Variants in FGGY observed in about 807,000 individuals in gnomAD.
The protein encoded by FGGY is FGGY carbohydrate kinase domain-containing protein.
A neutral mutation model predicts 71.3 loss-of-function variants in FGGY; 72 were observed. The ratio of observed to expected loss-of-function variants is 1.01; its 90% CI spans 0.84 to 1.23. The LOEUF (loss-of-function observed/expected upper bound fraction) is 1.23, where lower values mean the gene tolerates loss of function less well. FGGY is among the 50% of genes most tolerant of loss of function. FGGY has a pLI of 0.00. For synonymous variants in FGGY, 251 were observed against 250.3 expected (o/e 1.00, Z -0.02); for missense variants, 668 against 682.3 (o/e 0.98, Z 0.23).
At chr1:59,521,856 G>A (rs2094843368) in intron 7 of FGGY, among the ~76,000 whole-genome samples, 1 of 152,170 alleles carries the variant, frequency 6.6e-6, no homozygotes. Context: ...ATGGCCACAG[G>A]CAGCTTCACT....
intron 2 of FGGY, among the ~76,000 whole-genome samples, chr1:59,324,066 T>C (rs1338274379): frequency 6.6e-6 from 1 of 152,094 alleles, no homozygotes; most frequent in East Asian, 1.9e-4. Context: ...AGTTGAGAGC[T>C]TCAGAGCAGT....
rs972865858 is a variant in FGGY at position 59,388,986 on chromosome 1, C to T, written c.554+10149C>T. 9.9e-5 allele frequency among the ~76,000 whole-genome samples: 15 copies of T among 152,140 alleles called. No individual in the cohort carries two copies. The Middle Eastern group carries it at 0.017, about 172-fold the overall frequency. ...TTTTTTAGACAGGGTCTTGCTCTGTCGCCCAGGCCGGAGTGCAGTGTCGTA... is the reference window on the plus strand; with the variant it reads ...TTTTTTAGACAGGGTCTTGCTCTGTTGCCCAGGCCGGAGTGCAGTGTCGTA... On this transcript the variant is annotated intron_variant, in intron 5 of 15. Transcript: ENST00000303721.
intron 2 of FGGY, among the ~76,000 whole-genome samples, chr1:59,328,263 A>G (rs748851888): frequency 8.5e-5 from 13 of 152,232 alleles, no homozygotes; most frequent in Non-Finnish European, 1.9e-4. Context: ...GTCTTACCCA[A>G]ATCATCTGTA....
At chr1:59,565,991 A>G (rs1341804652) in intron 8 of FGGY, among the ~76,000 whole-genome samples, 1 of 152,182 alleles carries the variant, frequency 6.6e-6, no homozygotes, top group African/African-American at 2.4e-5. Context: ...TGGCAATGTG[A>G]AGACATGCGG....
At chr1:59,621,263 T>C (rs544155936) in intron 9 of FGGY, among the ~76,000 whole-genome samples, 6 of 152,200 alleles carry the variant, frequency 3.9e-5, no homozygotes, top group African/African-American at 1.4e-4. Context: ...CTTCAATATA[T>C]GAATTTGAGG....
At chr1:59,517,254 CTTTTTTTTTTTTTTTT>C (rs57951011) in intron 7 of FGGY, among the ~76,000 whole-genome samples, 5 of 87,628 alleles carry the variant, frequency 5.7e-5, no homozygotes, top group African/African-American at 2.3e-4. Flanking sequence ...CTCAGTTGCT[CTTTTTTTTTTTTTTTT>C]TTTTTTTTTT....
intron 6 of FGGY, among the ~76,000 whole-genome samples, chr1:59,505,995 G>C (rs1394060718): frequency 6.6e-6 from 1 of 152,042 alleles, no homozygotes; most frequent in African/African-American, 2.4e-5. Context: ...CAGCAGACTT[G>C]AGCCTAAGAG....
At chr1:59,720,995 C>T (rs956462589) in intron 14 of FGGY, among the ~76,000 whole-genome samples, 2 of 152,154 alleles carry the variant, frequency 1.3e-5, no homozygotes, top group Non-Finnish European at 2.9e-5. Flanking sequence ...GCTTACAGTT[C>T]CCTCCGTGTG....
At chr1:59,698,710 C>A (rs1363706684) in intron 14 of FGGY, 22 of 966,864 alleles carry the variant, frequency 2.3e-5, no homozygotes, top group Non-Finnish European at 2.7e-5. Flanking sequence ...AGGGATGAAT[C>A]CATTACCTTT....
chr1:59,560,184 C>G (rs998768628), intron 8 of FGGY, among the ~76,000 whole-genome samples: 2 of 152,162 alleles, frequency 1.3e-5, no homozygotes, highest in Non-Finnish European at 2.9e-5. Flanking sequence ...GTTCATCCCC[C>G]AATCCTATAA....
intron 5 of FGGY, among the ~76,000 whole-genome samples, chr1:59,398,246 A>AT (rs2061547838): frequency 6.6e-6 from 1 of 151,892 alleles, no homozygotes; most frequent in African/African-American, 2.4e-5. Context: ...TGTAAAAAAA[A>AT]ATTTTTTTTT....
intron 6 of FGGY, among the ~76,000 whole-genome samples, chr1:59,496,665 C>T (rs1388080847): frequency 6.6e-6 from 1 of 151,604 alleles, no homozygotes; most frequent in Non-Finnish European, 1.5e-5. Flanking sequence ...GCACATGTAC[C>T]CCTGAGCCTA....
At chr1:59,651,144 A>T (rs2097155375) in intron 11 of FGGY, among the ~76,000 whole-genome samples, 1 of 151,266 alleles carries the variant, frequency 6.6e-6, no homozygotes, top group East Asian at 1.9e-4. Flanking sequence ...GTTCTTTTAC[A>T]TTTGCTGAGG....
chr1:59,387,591 A>G (rs79546392), intron 5 of FGGY, among the ~76,000 whole-genome samples: 3 of 152,082 alleles, frequency 2.0e-5, no homozygotes, highest in Non-Finnish European at 4.4e-5. Context: ...TTTAAAAAAA[A>G]ATTTTTTTGC....
intron 7 of FGGY, among the ~76,000 whole-genome samples, chr1:59,552,399 G>A (rs1330508061): frequency 1.3e-5 from 2 of 152,206 alleles, no homozygotes; most frequent in Admixed American, 1.3e-4. Flanking sequence ...AGAAAGTTTG[G>A]AAGAGTCTTA....
At chr1:59,717,732 G>T (rs12077102) in intron 14 of FGGY, among the ~76,000 whole-genome samples, 6 of 152,084 alleles carry the variant, frequency 3.9e-5, no homozygotes, top group Non-Finnish European at 5.9e-5. Flanking sequence ...CTAGTCTCAC[G>T]GCTACTGGCA....
chr1:59,755,218 A>AT (rs760219720), intron 14 of FGGY: 3 of 150,824 alleles, frequency 2.0e-5, no homozygotes, highest in Non-Finnish European at 2.9e-5. Flanking sequence ...TTGGTATCTT[A>AT]TATCTGTCAT....
chr1:59,572,282 A>G (rs1426433014), intron 8 of FGGY, among the ~76,000 whole-genome samples: 4 of 152,078 alleles, frequency 2.6e-5, no homozygotes, highest in Non-Finnish European at 1.5e-5. Context: ...GGGAGGGAGT[A>G]GGGTTGTGCA....
chr1:59,370,235 G>A (rs2057358096), intron 4 of FGGY, among the ~76,000 whole-genome samples: 1 of 152,202 alleles, frequency 6.6e-6, no homozygotes, highest in Non-Finnish European at 1.5e-5. Flanking sequence ...TGATGGAGCT[G>A]AAAGCCAAGG....
Sources: gnomAD v4.1 joint callset for allele counts (sites outside exome capture counted in the v4.1 genomes callset) on GRCh38, gnomAD v4.1.1 for gene constraint, MANE v1.5 for transcripts, NCBI Gene and HGNC (gene_info 2026-07-23, HGNC 2026-07-21) for gene names.